MN1: variants seen among roughly 807,000 people sequenced by gnomAD.
MN1 encodes MN1 proto-oncogene, transcriptional regulator.
MN1 carries 19 observed loss-of-function variants against 86.9 expected under a neutral mutation model. The observed-to-expected ratio is 0.22, with a 90% CI of 0.15 to 0.32. MN1 has a LOEUF of 0.32. Ranked by LOEUF, MN1 falls within the 10% of genes least tolerant of loss-of-function variation. The probability of loss-of-function intolerance (pLI) is 1.00; values close to 1 mark genes in which losing one functional copy is unlikely to be tolerated. For synonymous variants in MN1, 928 were observed against 849.6 expected (o/e 1.09, Z -1.60); for missense variants, 1,841 against 1,862.0 (o/e 0.99, Z 0.21).
rs1328460107 is a variant in MN1 at position 27,799,039 on chromosome 22, A to G, written c.1505T>C (p.Val502Ala). The part of the protein sequence containing the change: ...PGLPGEFTPP[V>A]PDSFPSGPPL... ...CGGCCCCGAAGGGAAGCTGTCGGGC[A>G]CAGGCGGTGTGAACTCGCCGGGTAG... The change falls in exon 1 of 2, where the codon GTG becomes GCG. Residue 502 changes from valine to alanine, a missense_variant. Physicochemically the swap from Val to Ala is moderately conservative, Grantham distance 64 (BLOSUM62 0). Transcript: ENST00000302326. The G allele has an allele frequency of 1.2e-6, 2 of 1,611,942 alleles. No homozygotes were observed. The highest frequency in any genetic ancestry group is 1.1e-5 in the South Asian group (1 of 90,934).
chr22:27,772,665 T>C (rs1280047274), intron 1 of MN1, among the ~76,000 whole-genome samples: 1 of 152,146 alleles, frequency 6.6e-6, no homozygotes, highest in Non-Finnish European at 1.5e-5. Context: ...GGCTACTTCC[T>C]AGCTCCATGA....
At chr22:27,774,982 G>A (rs1282072926) in intron 1 of MN1, among the ~76,000 whole-genome samples, 2 of 152,220 alleles carry the variant, frequency 1.3e-5, no homozygotes, top group Admixed American at 1.3e-4. Flanking sequence ...GCCGGTAGGT[G>A]GGAGGCCCCA....
Position 27,798,597 on chromosome 22 carries a change from G to A in MN1, c.1947C>T (p.Gly649=), listed in dbSNP as rs749362018. The part of the protein sequence containing the change: ...PGDLLPRRMG[G]SGLPADCGPH... ...GGCCACAGTCAGCGGGCAGACCCGA[G>A]CCGCCCATCCTACGGGGCAGCAGGT... Residue 649 remains glycine, a synonymous_variant, in exon 1 of 2, where the codon GGC becomes GGT. Coordinates refer to ENST00000302326, the MANE Select transcript of MN1 (RefSeq NM_002430.3). 7 of 1,555,030 alleles carry A rather than the reference G, an allele frequency of 4.5e-6. No homozygotes were observed. The highest frequency in any genetic ancestry group is 6.0e-6 in the Non-Finnish European group (7 of 1,159,652).
Position 27,798,934 on chromosome 22 carries a change from T to C in MN1, c.1610A>G (p.Gln537Arg). 6.4e-7 allele frequency: 1 copy of C among 1,562,498 alleles called. No individual in the cohort carries two copies. Residue 537 changes from glutamine (Q) to arginine (R), a missense_variant, in exon 1 of 2, where the codon CAG becomes CGG. By Grantham distance (43) the Gln-to-Arg change is conservative. Coordinates refer to ENST00000302326, the MANE Select transcript of MN1 (RefSeq NM_002430.3). Reference sequence around the variant, plus strand: ...CTGTTGCTGTTGCTGTTGCTGCTGCTGCTGCTGCTGTTGCTGCTGCTGCTG... The same window carrying C: ...CTGTTGCTGTTGCTGTTGCTGCTGCCGCTGCTGCTGTTGCTGCTGCTGCTG... ...QQQQQQQQQQQQQQQQQQQQQ... is the reference protein window; with the variant it reads ...QQQQQQQQQQRQQQQQQQQQQ...
At chr22:27,758,374 T>G (rs1932814414) in intron 1 of MN1, among the ~76,000 whole-genome samples, 1 of 152,170 alleles carries the variant, frequency 6.6e-6, no homozygotes, top group South Asian at 2.1e-4. Flanking sequence ...TGGCGATGTT[T>G]CTCTAACACC....
intron 1 of MN1, among the ~76,000 whole-genome samples, chr22:27,788,102 A>G (rs746662338): frequency 6.6e-6 from 1 of 152,290 alleles, no homozygotes; most frequent in East Asian, 1.9e-4. Context: ...TGAATTCCAC[A>G]TTTATAAATT....
At position 27,799,620 on chromosome 22, in the gene MN1, C is replaced by A; in HGVS notation, c.924G>T (p.Gln308His). The part of the protein sequence containing the change: ...QQQQQPQQQQ[Q>H]QHGVFFERFS... Reference sequence around the variant, plus strand: ...ACCTCTCAAAGAACACACCATGCTGCTGCTGCTGCTGCTGGGGCTGCTGCT... The same window carrying A: ...ACCTCTCAAAGAACACACCATGCTGATGCTGCTGCTGCTGGGGCTGCTGCT... The change falls in exon 1 of 2, where the codon CAG (glutamine) becomes CAT (histidine). Residue 308 changes from glutamine (Q) to histidine (H), a missense_variant. Coordinates refer to ENST00000302326, the MANE Select transcript of MN1 (RefSeq NM_002430.3). 6.5e-7 allele frequency: 1 copy of A among 1,544,178 alleles called. No individual in the cohort carries two copies. The highest frequency in any genetic ancestry group is 8.7e-7 in the Non-Finnish European group (1 of 1,143,502).
Position 27,799,631 on chromosome 22 carries a change from G to T in MN1, c.913C>A (p.Gln305Lys). 1 of 1,546,884 alleles carries T rather than the reference G, an allele frequency of 6.5e-7. No homozygotes were observed. The highest frequency in any genetic ancestry group is 8.7e-7 in the Non-Finnish European group (1 of 1,144,926). ...QQPQQQQQPQ[Q>K]QQQQHGVFFE... ...AACACACCATGCTGCTGCTGCTGCT[G>T]CTGGGGCTGCTGCTGCTGCTGGGGC... is the stretch of plus-strand genomic sequence containing the variant. Residue 305 changes from glutamine to lysine, a missense_variant, in exon 1 of 2, where the codon CAG becomes AAG. Gln to Lys is a moderately conservative substitution (Grantham distance 53, BLOSUM62 1). Coordinates refer to ENST00000302326, the MANE Select transcript of MN1 (RefSeq NM_002430.3).
Position 27,798,611 on chromosome 22 carries a change from G to C in MN1, c.1933C>G (p.Arg645Gly), listed in dbSNP as rs761152707. The part of the protein sequence containing the change: ...PHPPPGDLLP[R>G]RMGGSGLPAD... The stretch of plus-strand genomic sequence containing the variant: ...GGCAGACCCGAGCCGCCCATCCTAC[G>C]GGGCAGCAGGTCTCCGGGCGGCGGA... The change falls in exon 1 of 2, where the codon CGT becomes GGT. Residue 645 changes from arginine (R) to glycine (G), a missense_variant. Transcript: ENST00000302326. 31 of 1,560,864 alleles carry C rather than the reference G, an allele frequency of 2.0e-5. No individual in the cohort carries two copies. Among genetic ancestry groups the C allele is most frequent in the African/African-American group, 5.4e-5 (4 of 73,628 alleles).
chr22:27,760,045 T>A (rs527725890), intron 1 of MN1, among the ~76,000 whole-genome samples: 4 of 152,234 alleles, frequency 2.6e-5, no homozygotes, highest in Non-Finnish European at 5.9e-5. Flanking sequence ...CTCTATAAAA[T>A]TTTTTTAAAT....
chr22:27,762,187 T>C (rs45475195), intron 1 of MN1, among the ~76,000 whole-genome samples: 1 of 152,188 alleles, frequency 6.6e-6, no homozygotes, highest in Non-Finnish European at 1.5e-5. Flanking sequence ...GCTGCTAAGA[T>C]GTGACAGGCC....
intron 1 of MN1, among the ~76,000 whole-genome samples, chr22:27,790,576 A>G (rs776338533): frequency 6.6e-6 from 1 of 152,164 alleles, no homozygotes; most frequent in Admixed American, 6.5e-5. Flanking sequence ...GACTAATTTG[A>G]AAGCCCAGTG....
intron 1 of MN1, among the ~76,000 whole-genome samples, chr22:27,756,762 C>A (rs969930333): frequency 6.6e-6 from 1 of 151,988 alleles, no homozygotes; most frequent in Non-Finnish European, 1.5e-5. Context: ...TGTTGTTTTT[C>A]TTTTTCTTTT....
chr22:27,765,475 G>C (rs577942480), intron 1 of MN1, among the ~76,000 whole-genome samples: 1 of 152,292 alleles, frequency 6.6e-6, no homozygotes, highest in South Asian at 2.1e-4. Context: ...TTCTGAAGCC[G>C]AATGAGTCAG....
In MN1 at chr22:27,798,945, TTGCTGCTGC is replaced by T. The variant is rs34890218; in HGVS notation, c.1590_1598del (p.Gln548_Gln550del). On this transcript the variant is annotated inframe_deletion, in exon 1 of 2. Coordinates refer to ENST00000302326, the MANE Select transcript of MN1 (RefSeq NM_002430.3). ...GCTGTTGCTGCTGCTGCTGCTGCTG[TTGCTGCTGC>T]TGCTGCTGCTGCTGCTGCTGTTGCA... is the stretch of plus-strand genomic sequence containing the variant. 198 of 1,539,794 alleles carry T rather than the reference TTGCTGCTGC, an allele frequency of 1.3e-4. No homozygotes were observed. The African/African-American group carries it at 1.4e-3, about 11-fold the overall frequency.
rs768144174 is a variant in MN1, at chr22:27,798,994, G to C, written c.1550C>G (p.Pro517Arg). The C allele has an allele frequency of 3.1e-6, 5 of 1,606,220 alleles. No individual in the cohort carries two copies. In the African/African-American group the frequency reaches 6.7e-5, roughly 21 times the overall value. Residue 517 changes from proline to arginine, a missense_variant, in exon 1 of 2, where the codon CCG (proline) becomes CGG (arginine). By Grantham distance (103) the Pro-to-Arg change is moderately radical (BLOSUM62 -2). Transcript: ENST00000302326. Reference protein sequence around the residue: ...PSGPPLQHPAPDHQSLQQQQQ... With the variant: ...PSGPPLQHPARDHQSLQQQQQ... ...CTGCTGTTGCAGGGACTGGTGGTCCGGGGCCGGATGCTGCAGGGGCGGCCC... is the reference window on the plus strand; with the variant it reads ...CTGCTGTTGCAGGGACTGGTGGTCCCGGGCCGGATGCTGCAGGGGCGGCCC...
rs565227821 is a variant in MN1 at position 27,798,486 on chromosome 22, C to A, written c.2058G>T (p.Met686Ile). Reference protein sequence around the residue: ...FRGPLQEPMRMPGEGHVPALP... With the variant: ...FRGPLQEPMRIPGEGHVPALP... ...GCGCGGGCACGTGGCCCTCTCCGGGCATCCTCATCGGCTCCTGCAGAGGGC... is the reference window on the plus strand; with the variant it reads ...GCGCGGGCACGTGGCCCTCTCCGGGAATCCTCATCGGCTCCTGCAGAGGGC... Residue 686 changes from methionine (M) to isoleucine (I), a missense_variant, in exon 1 of 2, where the codon ATG (methionine) becomes ATT (isoleucine). By Grantham distance (10) the Met-to-Ile change is conservative. Coordinates refer to ENST00000302326, the MANE Select transcript of MN1 (RefSeq NM_002430.3). 1.3e-6 allele frequency: 2 copies of A among 1,558,118 alleles called. No homozygotes were observed. The highest frequency in any genetic ancestry group is 2.8e-5 in the African/African-American group (2 of 72,496).
chr22:27,785,420 C>T (rs965697756), intron 1 of MN1, among the ~76,000 whole-genome samples: 1 of 152,208 alleles, frequency 6.6e-6, no homozygotes, highest in Non-Finnish European at 1.5e-5. Flanking sequence ...CCACATCTTA[C>T]GCCTGGACGC....
At chr22:27,776,997 C>T (rs531350795) in intron 1 of MN1, among the ~76,000 whole-genome samples, 1 of 152,218 alleles carries the variant, frequency 6.6e-6, no homozygotes, top group South Asian at 2.1e-4. Flanking sequence ...AACTGGCATG[C>T]AAAAAGTTTT....
Sources: gnomAD v4.1 joint callset for allele counts (sites outside exome capture counted in the v4.1 genomes callset) on GRCh38, gnomAD v4.1.1 for gene constraint, MANE v1.5 for transcripts, NCBI Gene and HGNC (gene_info 2026-07-23, HGNC 2026-07-21) for gene names.